ZFYVE16: variants seen among roughly 807,000 people sequenced by gnomAD.
ZFYVE16 encodes the protein zinc finger FYVE domain-containing protein 16.
In ZFYVE16, 89 loss-of-function variants were observed where a neutral mutation model predicts 138.1. The observed-to-expected ratio is 0.64, with a 90% CI of 0.54 to 0.77. ZFYVE16 has a LOEUF of 0.77. Among genes scored for constraint, ZFYVE16 ranks in the 30% least tolerant of loss-of-function variants. The pLI is 0.00. For missense variants in ZFYVE16, 1,793 were observed against 1,786.7 expected, an observed-to-expected ratio of 1.00 and a Z score of -0.06; for synonymous variants, 596 against 618.3, an observed-to-expected ratio of 0.96 and a Z score of 0.53.
At chr5:80,410,810 C>T (rs949944490) in intron 1 of ZFYVE16, among the ~76,000 whole-genome samples, 12 of 148,934 alleles carry the variant, frequency 8.1e-5, no homozygotes, top group East Asian at 2.0e-4. Context: ...CCTTGTGATC[C>T]GCCTGCCTCG....
rs565683850 is a variant in ZFYVE16 at position 80,416,768 on chromosome 5, C to T, written c.-94+8615C>T. 2.6e-5 allele frequency among the ~76,000 whole-genome samples: 4 copies of T among 152,080 alleles called. No homozygotes were observed. In the East Asian group the frequency reaches 5.8e-4, roughly 22 times the overall value. ...TTTCCTGCCCTAGTTTTAGAAACAGCCATTTTTCCAAGGAGACTTGGTTCC... is the reference window on the plus strand; with the variant it reads ...TTTCCTGCCCTAGTTTTAGAAACAGTCATTTTTCCAAGGAGACTTGGTTCC... On this transcript the variant is annotated intron_variant, in intron 1 of 18. Transcript: ENST00000505560.
intron 1 of ZFYVE16, among the ~76,000 whole-genome samples, chr5:80,410,514 A>G (rs1029427202): frequency 6.6e-6 from 1 of 152,214 alleles, no homozygotes; most frequent in Non-Finnish European, 1.5e-5. Context: ...CCAGTATCCA[A>G]GTGTTTTTCT....
chr5:80,456,061 C>T (rs1249624172), intron 12 of ZFYVE16: 3 of 338,836 alleles, frequency 8.9e-6, no homozygotes, highest in East Asian at 6.9e-5. Context: ...CTATACAGAC[C>T]TCTTAAAGTT....
rs1755255252 is a variant in ZFYVE16, at chr5:80,481,156, A to T, written c.*3779A>T. ...GAACCTTCTGGACTTTCCTTGCTCT[A>T]CATCAATCCCGCAGCAGTAAAGAGG... On this transcript the variant is annotated 3_prime_UTR_variant, in exon 19 of 19. Transcript: ENST00000505560. 6.6e-6 allele frequency among the ~76,000 whole-genome samples: 1 copy of T among 152,154 alleles called. No homozygotes were observed. Among genetic ancestry groups the T allele is most frequent in the Non-Finnish European group, 1.5e-5 (1 of 68,024 alleles).
At chr5:80,414,437 A>T (rs1035207155) in intron 1 of ZFYVE16, among the ~76,000 whole-genome samples, 3 of 152,074 alleles carry the variant, frequency 2.0e-5, no homozygotes, top group Non-Finnish European at 4.4e-5. Flanking sequence ...TGTCTCCCTT[A>T]TATTGGCAGA....
In ZFYVE16 at chr5:80,473,738, ATG is replaced by A. The variant is rs1481740914; in HGVS notation, c.4188-14_4188-13del. The A allele has an allele frequency of 6.4e-7, 1 of 1,550,986 alleles. No individual in the cohort carries two copies. Among genetic ancestry groups the A allele is most frequent in the African/African-American group, 1.4e-5 (1 of 73,284 alleles). ...TTGGTGCTAATAATTCTATTGTATT[ATG>A]TTTTATTTCATAGAGTTATCAGTTC... On this transcript the variant is annotated splice_polypyrimidine_tract_variant and intron_variant, in intron 16 of 18. Transcript: ENST00000505560.
rs771537236 is a variant in ZFYVE16 at position 80,477,518 on chromosome 5, G to A, written c.*141G>A. ...TAAGCTTTGCTCTTTAGGCAGGAAT[G>A]ATCTTTTCAAATCATTAGCACAATA... On this transcript the variant is annotated 3_prime_UTR_variant, in exon 19 of 19. Transcript: ENST00000505560. The A allele has an allele frequency of 1.5e-6, 1 of 688,094 alleles. No individual in the cohort carries two copies. Among genetic ancestry groups the A allele is most frequent in the Non-Finnish European group, 2.1e-6 (1 of 468,712 alleles). The allele number at this position is 688,094 out of a possible 1,614,324, so 42.6% of individuals were successfully genotyped here.
chr5:80,431,653 T>C (rs1749043619), intron 2 of ZFYVE16, among the ~76,000 whole-genome samples: 1 of 152,206 alleles, frequency 6.6e-6, no homozygotes, highest in African/African-American at 2.4e-5. Flanking sequence ...AAATTGTCCC[T>C]GTTTGCAGAT....
chr5:80,439,035 T>C lies in ZFYVE16; in HGVS notation c.2322+28T>C, dbSNP rs770946564. 2.5e-6 allele frequency: 4 copies of C among 1,572,440 alleles called. No homozygotes were observed. The South Asian group carries it at 4.7e-5, about 18-fold the overall frequency. On this transcript the variant is annotated intron_variant, in intron 4 of 18. Transcript: ENST00000505560. ...AAGTTATAAAAATCTTTTAAGTCTT[T>C]TGTTCTTTTGAGACATTTTAAACAA...
rs577107638 is a variant in ZFYVE16, at chr5:80,408,082, C to G, written c.-165C>G. 6.6e-6 allele frequency: 1 copy of G among 152,388 alleles called. No homozygotes were observed. The highest frequency in any genetic ancestry group is 1.9e-4 in the East Asian group (1 of 5,164). The allele number at this position is 152,388 out of a possible 1,614,324, so 9.4% of individuals were successfully genotyped here. A position where few individuals can be genotyped will look rare whatever the true frequency, so the allele number is the denominator to read the frequency against. On this transcript the variant is annotated 5_prime_UTR_variant, in exon 1 of 19. Coordinates refer to ENST00000505560, the MANE Select transcript of ZFYVE16 (RefSeq NM_001284236.3). ...ATCTGGCACTCCCAGGACTCCCGGC[C>G]GGGGTAGCTCTTCACTCCTCAGCGC... is the stretch of plus-strand genomic sequence containing the variant.
In ZFYVE16 at chr5:80,459,557, AT is replaced by A. The variant is rs1252859149; in HGVS notation, c.4024+64del. ...TTATTTTTCCTAACCTTTGAAAAAT[AT>A]ATTTGATATTTACACAAGAACATAT... On this transcript the variant is annotated intron_variant, in intron 15 of 18. Coordinates refer to ENST00000505560, the MANE Select transcript of ZFYVE16 (RefSeq NM_001284236.3). The A allele has an allele frequency of 1.7e-5, 24 of 1,381,786 alleles. No homozygotes were observed. The African/African-American group carries it at 3.2e-4, about 18-fold the overall frequency. The allele number at this position is 1,381,786 out of a possible 1,614,324, so 85.6% of individuals were successfully genotyped here. A position where few individuals can be genotyped will look rare whatever the true frequency, so the allele number is the denominator to read the frequency against.
intron 2 of ZFYVE16, among the ~76,000 whole-genome samples, chr5:80,430,801 C>T (rs1188699718): frequency 6.6e-6 from 1 of 152,160 alleles, no homozygotes; most frequent in African/African-American, 2.4e-5. Context: ...TCAGAGAATA[C>T]TATAAACACC....
chr5:80,477,539 CAATATTTA>C lies in ZFYVE16; in HGVS notation c.*168_*175del, dbSNP rs1755033928. 5 of 535,294 alleles carry C rather than the reference CAATATTTA, an allele frequency of 9.3e-6. No homozygotes were observed. In the East Asian group the frequency reaches 1.8e-4, roughly 19 times the overall value. The allele number at this position is 535,294 out of a possible 1,614,324, so 33.2% of individuals were successfully genotyped here. A position where few individuals can be genotyped will look rare whatever the true frequency, so the allele number is the denominator to read the frequency against. On this transcript the variant is annotated 3_prime_UTR_variant, in exon 19 of 19. Transcript: ENST00000505560. ...GAATGATCTTTTCAAATCATTAGCA[CAATATTTA>C]AATATCTAAAAATTTAAGAGATCCA... is the stretch of plus-strand genomic sequence containing the variant.
Position 80,438,224 on chromosome 5 carries a change from A to C in ZFYVE16, c.1539A>C (p.Leu513Phe), listed in dbSNP as rs1174879683. The change falls in exon 4 of 19, where the codon TTA becomes TTC. Residue 513 changes from leucine (L) to phenylalanine (F), a missense_variant. This residue lies in a region of ZFYVE16 where 1,295 missense variants were observed against 1,204.3 expected (regional missense o/e 1.08). Transcript: ENST00000505560. ...GCAATGATATGGATGGGCAAGACTT[A>C]GATTACTTTAATATTGATGAAGGCG... The part of the protein sequence containing the change: ...FSSNDMDGQD[L>F]DYFNIDEGAK... The C allele has an allele frequency of 6.2e-7, 1 of 1,614,050 alleles. No homozygotes were observed.
chr5:80,447,382 C>CGT (rs1178360117), intron 7 of ZFYVE16, among the ~76,000 whole-genome samples: 2 of 151,050 alleles, frequency 1.3e-5, no homozygotes, highest in East Asian at 3.9e-4. Context: ...CTAGACTTTA[C>CGT]AAATAGCCGT....
intron 15 of ZFYVE16, among the ~76,000 whole-genome samples, chr5:80,465,400 G>GTTTTGTTTTTTTT (rs762431523): frequency 3.7e-5 from 1 of 26,778 alleles, no homozygotes; most frequent in African/African-American, 1.0e-4. Flanking sequence ...CCTTTTCTTT[G>GTTTTGTTTTTTTT]TTTTTTTTTT....
chr5:80,422,547 C>T lies in ZFYVE16; in HGVS notation c.-93-4945C>T, dbSNP rs368654330. ...TCGGGTCACTGCAACCTCCGCCTCC[C>T]GGATTCAAGTGATTCTCCTGCCTCA... On this transcript the variant is annotated intron_variant, in intron 1 of 18. Transcript: ENST00000505560. 1.4e-4 allele frequency among the ~76,000 whole-genome samples: 21 copies of T among 152,150 alleles called. 1 individual carries two copies. The highest frequency in any genetic ancestry group is 3.9e-4 in the African/African-American group (16 of 41,508).
chr5:80,457,167 A>G, intron 14 of ZFYVE16, 75 bp downstream of exon 14: 2 of 1,543,854 alleles, frequency 1.3e-6, no homozygotes, highest in South Asian at 1.2e-5. Flanking sequence ...GGGGAAATAT[A>G]TGTATATTTA....
chr5:80,407,626 C>T (rs560366926), upstream of ZFYVE16, among the ~76,000 whole-genome samples: 6 of 152,308 alleles, frequency 3.9e-5, no homozygotes, highest in South Asian at 1.0e-3. Flanking sequence ...TCCGAGGGGC[C>T]AGCAGCGCGG....
Sources: gnomAD v4.1 joint callset for allele counts (sites outside exome capture counted in the v4.1 genomes callset) on GRCh38, gnomAD v4.1.1 for gene constraint, gnomAD v4.1.1 regional missense constraint, MANE v1.5 for transcripts, NCBI Gene and HGNC (gene_info 2026-07-23, HGNC 2026-07-21) for gene names.